Variants in PLLP observed in about 807,000 individuals in gnomAD.
PLLP encodes the protein plasmolipin.
Under a neutral mutation model 19.7 loss-of-function variants are expected in PLLP, and 15 were observed. That is an observed-to-expected ratio of 0.76 (90% CI 0.51 to 1.17). The LOEUF (loss-of-function observed/expected upper bound fraction) is 1.17, where lower values mean the gene tolerates loss of function less well. Ranked by LOEUF, PLLP falls within the 50% of genes most tolerant of loss-of-function variation. The probability of loss-of-function intolerance (pLI) is 0.00; values close to 1 mark genes in which losing one functional copy is unlikely to be tolerated. For synonymous variants in PLLP, 111 were observed against 116.3 expected (o/e 0.95, Z 0.29); for missense variants, 255 against 258.3 (o/e 0.99, Z 0.09).
At chr16:57,265,110 G>A (rs781013989) in intron 1 of PLLP, among the ~76,000 whole-genome samples, 8 of 152,196 alleles carry the variant, frequency 5.3e-5, no homozygotes, top group Non-Finnish European at 7.3e-5. Flanking sequence ...TCTGCTGCCC[G>A]TCAGCACTCT....
intron 1 of PLLP, among the ~76,000 whole-genome samples, chr16:57,266,331 T>G (rs191123327): frequency 6.6e-6 from 1 of 152,272 alleles, no homozygotes; most frequent in Admixed American, 6.5e-5. Flanking sequence ...CCTGGCTCTG[T>G]GCCTGCGGAG....
intron 1 of PLLP, among the ~76,000 whole-genome samples, chr16:57,263,761 A>G (rs1427853073): frequency 6.9e-6 from 1 of 145,912 alleles, no homozygotes; most frequent in Non-Finnish European, 1.5e-5. Flanking sequence ...TGCTCTGGAG[A>G]GCGCCTTCTC....
chr16:57,256,247 C>T lies in PLLP; in HGVS notation c.*666G>A. On this transcript the variant is annotated 3_prime_UTR_variant, in exon 4 of 4. Transcript: ENST00000219207. ...CGGGGAGGCACCGATGTTAGCTTCG[C>T]CCAAAGGGAGTATTACAGAGAGAGG... The T allele has an allele frequency of 2.6e-6, 1 of 391,972 alleles. No individual in the cohort carries two copies. Among genetic ancestry groups the T allele is most frequent in the Non-Finnish European group, 4.5e-6 (1 of 222,550 alleles). 24.3% of individuals were successfully genotyped at this position (391,972 alleles called of 1,614,324 possible).
intron 1 of PLLP, among the ~76,000 whole-genome samples, chr16:57,271,889 C>T (rs1421941969): frequency 6.6e-6 from 1 of 152,010 alleles, no homozygotes; most frequent in Non-Finnish European, 1.5e-5. Context: ...GAGCTCCCTG[C>T]CTGCCAGTCC....
chr16:57,273,319 G>A (rs1422144144), intron 1 of PLLP, among the ~76,000 whole-genome samples: 1 of 152,010 alleles, frequency 6.6e-6, no homozygotes, highest in African/African-American at 2.4e-5. Flanking sequence ...CAGAGTGGCA[G>A]ATGTGAAAAA....
intron 1 of PLLP, among the ~76,000 whole-genome samples, chr16:57,262,518 C>T (rs2146439748): frequency 6.6e-6 from 1 of 151,806 alleles, no homozygotes; most frequent in Non-Finnish European, 1.5e-5. Context: ...CGCCACTGCA[C>T]TCCAGCCTGG....
Position 57,284,388 on chromosome 16 carries a change from G to A in PLLP, c.135+18C>T. ...CGGGAGCCCCCGGCCAACCCCGTGGGCCCGCGCGTGCTCTCACCAGCTGCA... is the reference window on the plus strand; with the variant it reads ...CGGGAGCCCCCGGCCAACCCCGTGGACCCGCGCGTGCTCTCACCAGCTGCA... On this transcript the variant is annotated intron_variant, in intron 1 of 3. Coordinates refer to ENST00000219207, the MANE Select transcript of PLLP (RefSeq NM_015993.3). 7.3e-7 allele frequency: 1 copy of A among 1,373,826 alleles called. No individual in the cohort carries two copies. Among genetic ancestry groups the A allele is most frequent in the Non-Finnish European group, 9.4e-7 (1 of 1,061,380 alleles). 85.1% of individuals were successfully genotyped at this position (1,373,826 alleles called of 1,614,324 possible). A position where few individuals can be genotyped will look rare whatever the true frequency, so the allele number is the denominator to read the frequency against.
chr16:57,260,473 G>A (rs762494294), intron 2 of PLLP, among the ~76,000 whole-genome samples: 6 of 152,122 alleles, frequency 3.9e-5, no homozygotes, highest in Non-Finnish European at 8.8e-5. Flanking sequence ...CAAGCCCAGC[G>A]ACCCCTGCAA....
intron 2 of PLLP, among the ~76,000 whole-genome samples, chr16:57,259,150 A>C (rs1346022063): frequency 2.6e-5 from 4 of 151,984 alleles, no homozygotes; most frequent in Non-Finnish European, 5.9e-5. Flanking sequence ...GGAGGAGGGG[A>C]ATGACAGGAG....
rs59469976 is a variant in PLLP, at chr16:57,282,152, G to A, written c.135+2254C>T. Reference sequence around the variant, plus strand: ...ACCAAGACCCTTGCGGCCCACAGCAGCAACATCCTCCTCTTACTCCAATGC... The same window carrying A: ...ACCAAGACCCTTGCGGCCCACAGCAACAACATCCTCCTCTTACTCCAATGC... On this transcript the variant is annotated intron_variant, in intron 1 of 3. Coordinates refer to ENST00000219207, the MANE Select transcript of PLLP (RefSeq NM_015993.3). Among the ~76,000 whole-genome samples, 1,156 of 150,580 alleles carry A rather than the reference G, an allele frequency of 7.7e-3. 9 individuals carry two copies. The highest frequency in any genetic ancestry group is 0.027 in the African/African-American group (1,106 of 41,132).
chr16:57,275,040 G>A (rs1379433607), intron 1 of PLLP, among the ~76,000 whole-genome samples: 2 of 152,046 alleles, frequency 1.3e-5, no homozygotes, highest in South Asian at 2.1e-4. Context: ...GGTTTCAGGC[G>A]TGAGCCACCA....
At chr16:57,270,430 CT>C (rs1482571291) in intron 1 of PLLP, among the ~76,000 whole-genome samples, 1 of 151,500 alleles carries the variant, frequency 6.6e-6, no homozygotes, top group Non-Finnish European at 1.5e-5. Flanking sequence ...GCTCCGGCCT[CT>C]CTATTCCCAC....
intron 1 of PLLP, among the ~76,000 whole-genome samples, chr16:57,264,109 A>G (rs1327548832): frequency 6.6e-6 from 1 of 152,114 alleles, no homozygotes; most frequent in African/African-American, 2.4e-5. Flanking sequence ...GGTGCCTGCC[A>G]GGCACCCCAT....
rs560140611 is a variant in PLLP at position 57,272,387 on chromosome 16, C to A, written c.136-10317G>T. ...GCAGTGGCAGAACTCGAACCCAAGG[C>A]AGCTGGGATAACAAGAAGCTTATAG... On this transcript the variant is annotated intron_variant, in intron 1 of 3. Coordinates refer to ENST00000219207, the MANE Select transcript of PLLP (RefSeq NM_015993.3). Among the ~76,000 whole-genome samples the A allele has an allele frequency of 4.9e-3, 742 of 152,308 alleles. 7 individuals are homozygous for A. The highest frequency in any genetic ancestry group is 0.017 in the African/African-American group (714 of 41,566).
chr16:57,264,154 C>T (rs79773077), intron 1 of PLLP, among the ~76,000 whole-genome samples: 6,864 of 152,154 alleles, frequency 0.045, 426 homozygotes, highest in South Asian at 0.27. Context: ...AGAAGGGAAG[C>T]TCCTGTGTGG....
intron 1 of PLLP, among the ~76,000 whole-genome samples, chr16:57,276,741 T>C (rs1454253869): frequency 6.6e-6 from 1 of 152,106 alleles, no homozygotes; most frequent in African/African-American, 2.4e-5. Context: ...AGGCATGCTG[T>C]TGCAGGCAGG....
intron 3 of PLLP, 38 bp from the exon 4 acceptor site, chr16:57,257,067 G>T (rs1310235167): frequency 7.1e-6 from 10 of 1,412,380 alleles, no homozygotes; most frequent in Non-Finnish European, 1.0e-5. Context: ...GACCGAGAGG[G>T]TGACAGTGAC....
At position 57,256,447 on chromosome 16, in the gene PLLP, A is replaced by G. The variant is rs924251832; in HGVS notation, c.*466T>C. The stretch of plus-strand genomic sequence containing the variant: ...GGAGAGGTTGGTTGAAACGGTGTTT[A>G]AAGGAAGGAGAGTGGTTTCACCAGC... On this transcript the variant is annotated 3_prime_UTR_variant, in exon 4 of 4. Coordinates refer to ENST00000219207, the MANE Select transcript of PLLP (RefSeq NM_015993.3). 4 of 202,252 alleles carry G rather than the reference A, an allele frequency of 2.0e-5. No individual in the cohort carries two copies. Among genetic ancestry groups the G allele is most frequent in the African/African-American group, 9.2e-5 (4 of 43,490 alleles). 12.5% of individuals were successfully genotyped at this position (202,252 alleles called of 1,614,324 possible). A position where few individuals can be genotyped will look rare whatever the true frequency, so the allele number is the denominator to read the frequency against.
At chr16:57,271,127 T>G (rs1374033990) in intron 1 of PLLP, among the ~76,000 whole-genome samples, 3 of 152,110 alleles carry the variant, frequency 2.0e-5, no homozygotes, top group African/African-American at 7.2e-5. Context: ...CGCTTGTTAT[T>G]CCTGAGTCCT....
Sources: gnomAD v4.1 joint callset for allele counts (sites outside exome capture counted in the v4.1 genomes callset) on GRCh38, gnomAD v4.1.1 for gene constraint, MANE v1.5 for transcripts, NCBI Gene and HGNC (gene_info 2026-07-23, HGNC 2026-07-21) for gene names.